TTC39B: variants seen among roughly 807,000 people sequenced by gnomAD.
TTC39B encodes the protein tetratricopeptide repeat protein 39B.
Under a neutral mutation model 96.6 loss-of-function variants are expected in TTC39B, and 92 were observed. The ratio of observed to expected loss-of-function variants is 0.95; its 90% confidence interval spans 0.80 to 1.13. TTC39B has a LOEUF of 1.13. Ranked by LOEUF, TTC39B falls within the 50% of genes most tolerant of loss-of-function variation. The pLI, the probability that TTC39B is intolerant of heterozygous loss-of-function variation, is 0.00. For synonymous variants in TTC39B, 367 were observed against 299.4 expected (o/e 1.23, Z -2.33); for missense variants, 955 against 809.3 (o/e 1.18, Z -2.18).
At chr9:15,235,045 A>ATAAATAAAT (rs1554779426) in intron 2 of TTC39B, among the ~76,000 whole-genome samples, 12 of 151,388 alleles carry the variant, frequency 7.9e-5, no homozygotes, top group African/African-American at 2.9e-4. Context: ...AAATAAATAA[A>ATAAATAAAT]ACAAAAACAA....
intron 2 of TTC39B, among the ~76,000 whole-genome samples, chr9:15,251,839 G>T (rs1822571737): frequency 6.6e-6 from 1 of 150,730 alleles, no homozygotes; most frequent in Non-Finnish European, 1.5e-5. Context: ...ACCCAAAAAT[G>T]TACCCTATAG....
chr9:15,234,392 T>C (rs190985590), intron 2 of TTC39B, among the ~76,000 whole-genome samples: 3,139 of 141,594 alleles, frequency 0.022, 104 homozygotes, highest in African/African-American at 0.078. Flanking sequence ...AGCTGCCCCA[T>C]CCAGGAGGGA....
intron 1 of TTC39B, among the ~76,000 whole-genome samples, chr9:15,278,719 T>A (rs1265280993): frequency 1.3e-5 from 2 of 152,252 alleles, no homozygotes; most frequent in Non-Finnish European, 2.9e-5. Flanking sequence ...TTTCTTCCTA[T>A]AAATAATCAT....
At chr9:15,203,862 G>C (rs777367366) in exon 7 of TTC39B, 4 of 1,612,674 alleles carry the variant, frequency 2.5e-6, no homozygotes, top group Admixed American at 1.7e-5. Context: ...GGAGACACTC[G>C]GCATAACAGA....
intron 2 of TTC39B, among the ~76,000 whole-genome samples, chr9:15,245,004 G>C (rs1015779839): frequency 6.6e-6 from 1 of 152,130 alleles, no homozygotes. Flanking sequence ...TTCTTCTCTG[G>C]GTTCTCTGGT....
At chr9:15,179,931 C>T (rs999112686) in intron 17 of TTC39B, among the ~76,000 whole-genome samples, 10 of 152,150 alleles carry the variant, frequency 6.6e-5, no homozygotes, top group African/African-American at 1.7e-4. Context: ...TTATTTCCTC[C>T]GACTACAGAC....
chr9:15,201,364 C>T (rs936129871), intron 7 of TTC39B, among the ~76,000 whole-genome samples: 15 of 151,640 alleles, frequency 9.9e-5, no homozygotes, highest in African/African-American at 3.4e-4. Context: ...GAAAGTAATA[C>T]AATATGTTAA....
intron 2 of TTC39B, among the ~76,000 whole-genome samples, chr9:15,244,231 G>C (rs1822172685): frequency 6.6e-6 from 1 of 152,194 alleles, no homozygotes. Flanking sequence ...TTCCCTATTG[G>C]AGGGTTCTCT....
chr9:15,177,779 C>T lies in TTC39B; in HGVS notation c.1759G>A (p.Val587Met), dbSNP rs890621698. ...AGGCAACATCCTTTAAGTAACTTCA[C>T]TAAGCACTCATCATCCACAGAGAAG... The change falls in exon 18 of 20, where the codon GTG (valine) becomes ATG (methionine). Residue 587 changes from valine to methionine, a missense_variant. Transcript: ENST00000512701. The T allele has an allele frequency of 1.2e-6, 2 of 1,612,204 alleles. No individual in the cohort carries two copies. The highest frequency in any genetic ancestry group is 1.7e-6 in the Non-Finnish European group (2 of 1,179,036).
At chr9:15,292,417 A>G (rs1824220765) in intron 1 of TTC39B, among the ~76,000 whole-genome samples, 1 of 152,216 alleles carries the variant, frequency 6.6e-6, no homozygotes, top group African/African-American at 2.4e-5. Flanking sequence ...AAAGTATAGC[A>G]CATACAATTA....
chr9:15,226,661 C>T (rs146191051), intron 2 of TTC39B, among the ~76,000 whole-genome samples: 3 of 152,224 alleles, frequency 2.0e-5, no homozygotes, highest in Non-Finnish European at 2.9e-5. Context: ...AATAAACTGT[C>T]TAATTTCCCA....
chr9:15,228,042 C>T (rs1821220704), intron 2 of TTC39B, among the ~76,000 whole-genome samples: 1 of 151,956 alleles, frequency 6.6e-6, no homozygotes, highest in Admixed American at 6.6e-5. Flanking sequence ...TAATCTTTTG[C>T]CATGTTTCCC....
In TTC39B at chr9:15,306,750, G is replaced by C. The variant is rs1035298510; in HGVS notation, c.240+334C>G. ...CGTAAAGCCCAGGCGTCGCTGGGCC[G>C]GCCCGGAACAGCTCAGAGCTGCGGG... On this transcript the variant is annotated intron_variant, in intron 1 of 19. Coordinates refer to ENST00000512701, the Ensembl canonical transcript of TTC39B. This position sits in a 1 kb window ranked among gnomAD's most constrained non-coding sequence, Gnocchi z 5.1. Among the ~76,000 whole-genome samples, 9 of 152,186 alleles carry C rather than the reference G, an allele frequency of 5.9e-5. No homozygotes were observed. The highest frequency in any genetic ancestry group is 3.2e-3 in the Middle Eastern group (1 of 316).
intron 1 of TTC39B, among the ~76,000 whole-genome samples, chr9:15,304,306 T>C (rs751453864): frequency 1.3e-5 from 2 of 152,212 alleles, no homozygotes; most frequent in African/African-American, 2.4e-5. Flanking sequence ...GCTAGTGTAA[T>C]ACACAAGAAA....
chr9:15,166,964 TGTCC>T (rs1166017248), exon 20 of TTC39B: 1 of 112,720 alleles, frequency 8.9e-6, no homozygotes, highest in East Asian at 3.1e-4. Context: ...GGGTAACATG[TGTCC>T]ACAAACCTTT....
chr9:15,193,119 T>C (rs1164119754), intron 8 of TTC39B, among the ~76,000 whole-genome samples: 2 of 152,208 alleles, frequency 1.3e-5, no homozygotes, highest in Non-Finnish European at 2.9e-5. Context: ...TCAGTGTGAC[T>C]GCCATCGTCT....
intron 1 of TTC39B, among the ~76,000 whole-genome samples, chr9:15,296,206 T>C (rs921181456): frequency 2.0e-5 from 3 of 152,234 alleles, no homozygotes; most frequent in East Asian, 1.9e-4. Flanking sequence ...GTGGCTCAAG[T>C]TGGTTTTCTA....
At chr9:15,265,673 A>T (rs1482228171) in intron 2 of TTC39B, among the ~76,000 whole-genome samples, 1 of 152,248 alleles carries the variant, frequency 6.6e-6, no homozygotes, top group Non-Finnish European at 1.5e-5. Flanking sequence ...GCAACTTCAC[A>T]GTGGAAAAAC....
chr9:15,301,767 AAG>A (rs1824600352), intron 1 of TTC39B, among the ~76,000 whole-genome samples: 4 of 149,168 alleles, frequency 2.7e-5, no homozygotes, highest in African/African-American at 7.7e-5. Flanking sequence ...AAAAAAAAAA[AAG>A]AAGAAGAAAA....
Sources: gnomAD v4.1 joint callset for allele counts (sites outside exome capture counted in the v4.1 genomes callset) on GRCh38, gnomAD v4.1.1 for gene constraint, Gnocchi (gnomAD v3.1) non-coding constraint, MANE v1.5 for transcripts, NCBI Gene and HGNC (gene_info 2026-07-23, HGNC 2026-07-21) for gene names.